PCDH9: variants seen among roughly 807,000 people sequenced by gnomAD.
The protein encoded by PCDH9 is protocadherin-9.
Under a neutral mutation model 70.6 loss-of-function variants are expected in PCDH9, and 24 were observed. The ratio of observed to expected loss-of-function variants is 0.34; its 90% CI spans 0.25 to 0.48. PCDH9 has a LOEUF of 0.48. Ranked by LOEUF, PCDH9 falls within the 20% of genes least tolerant of loss-of-function variation. The pLI is 0.99. For synonymous variants in PCDH9, 562 were observed against 558.5 expected (o/e 1.01, Z -0.09); for missense variants, 1,281 against 1,503.6 (o/e 0.85, Z 2.45).
chr13:66,549,160 T>A (rs1242938012), intron 4 of PCDH9, among the ~76,000 whole-genome samples: 3 of 152,110 alleles, frequency 2.0e-5, no homozygotes, highest in African/African-American at 7.2e-5. Context: ...GTACACAAAA[T>A]ATATACATGT....
Position 66,424,805 on chromosome 13 carries a change from G to A in PCDH9, c.3341-119777C>T, listed in dbSNP as rs117515393. On this transcript the variant is annotated intron_variant, in intron 4 of 4. Coordinates refer to ENST00000377865, the MANE Select transcript of PCDH9 (RefSeq NM_203487.3). ...TTGTGTAAACATCTCTGAGATTGCA[G>A]GTAAGAGGAACAGGGATAAATCTAC... is the stretch of plus-strand genomic sequence containing the variant. Among the ~76,000 whole-genome samples the A allele has an allele frequency of 6.0e-3, 912 of 151,954 alleles. 4 individuals carry two copies. Among genetic ancestry groups the A allele is most frequent in the Non-Finnish European group, 8.8e-3 (596 of 67,818 alleles).
chr13:66,316,539 A>G (rs1566236248), intron 4 of PCDH9, among the ~76,000 whole-genome samples: 3 of 152,100 alleles, frequency 2.0e-5, no homozygotes, highest in Admixed American at 6.5e-5. Context: ...TGCCTTGAAC[A>G]TGCTTAATGT....
intron 2 of PCDH9, among the ~76,000 whole-genome samples, chr13:66,984,787 C>T (rs970252140): frequency 1.3e-5 from 2 of 152,070 alleles, no homozygotes; most frequent in African/African-American, 4.8e-5. Flanking sequence ...AAATAATTTA[C>T]AAAAACATTT....
intron 2 of PCDH9, among the ~76,000 whole-genome samples, chr13:67,112,285 A>G (rs946799802): frequency 6.6e-6 from 1 of 152,194 alleles, no homozygotes; most frequent in Admixed American, 6.5e-5. Context: ...CATTATATGT[A>G]TTTACCTTCA....
intron 4 of PCDH9, among the ~76,000 whole-genome samples, chr13:66,617,693 C>T (rs979404880): frequency 1.3e-5 from 2 of 152,286 alleles, no homozygotes; most frequent in Non-Finnish European, 1.5e-5. Flanking sequence ...TTGATCTGTC[C>T]TTACCCCTCC....
chr13:66,876,592 G>T (rs2139524250), intron 3 of PCDH9, among the ~76,000 whole-genome samples: 1 of 152,210 alleles, frequency 6.6e-6, no homozygotes, highest in African/African-American at 2.4e-5. Flanking sequence ...TTGTAGACAT[G>T]ATCTTCATGG....
chr13:66,403,922 T>C (rs561355678), intron 4 of PCDH9, among the ~76,000 whole-genome samples: 1 of 152,274 alleles, frequency 6.6e-6, no homozygotes, highest in East Asian at 1.9e-4. Context: ...AGTCCACAGT[T>C]GCTGGGAGGT....
chr13:67,126,146 G>A (rs1341950326), intron 2 of PCDH9, among the ~76,000 whole-genome samples: 2 of 152,132 alleles, frequency 1.3e-5, no homozygotes, highest in Non-Finnish European at 2.9e-5. Context: ...TGGTTCCAGA[G>A]CCTGGGCTTT....
chr13:67,016,206 T>C (rs933696778), intron 2 of PCDH9, among the ~76,000 whole-genome samples: 8 of 152,172 alleles, frequency 5.3e-5, no homozygotes, highest in Admixed American at 3.9e-4. Flanking sequence ...ACTAAAAGTA[T>C]GAATATTTCT....
intron 2 of PCDH9, among the ~76,000 whole-genome samples, chr13:66,906,992 G>A (rs776279629): frequency 2.6e-4 from 39 of 151,966 alleles, no homozygotes; most frequent in Admixed American, 2.3e-3. Context: ...GATCACCTGT[G>A]GTCAGGAGTT....
At chr13:67,175,828 T>C in intron 2 of PCDH9, among the ~76,000 whole-genome samples, 1 of 152,140 alleles carries the variant, frequency 6.6e-6, no homozygotes, top group East Asian at 1.9e-4. Context: ...TACTTACCTC[T>C]ATAAAATGCA....
chr13:66,989,447 T>G (rs2083958168), intron 2 of PCDH9, among the ~76,000 whole-genome samples: 1 of 151,932 alleles, frequency 6.6e-6, no homozygotes, highest in Non-Finnish European at 1.5e-5. Context: ...CTTCCTATGC[T>G]CATACAAATA....
chr13:66,495,253 C>G (rs745567005), intron 4 of PCDH9, among the ~76,000 whole-genome samples: 1 of 152,080 alleles, frequency 6.6e-6, no homozygotes, highest in Non-Finnish European at 1.5e-5. Context: ...TGTTAGCATT[C>G]TGATTTCTAA....
intron 4 of PCDH9, among the ~76,000 whole-genome samples, chr13:66,613,793 C>T (rs1219154990): frequency 6.6e-6 from 1 of 152,120 alleles, no homozygotes; most frequent in Non-Finnish European, 1.5e-5. Flanking sequence ...AAGACAAGCA[C>T]TGGGATCAAA....
At chr13:66,796,916 G>T (rs1392731033) in intron 3 of PCDH9, among the ~76,000 whole-genome samples, 1 of 152,062 alleles carries the variant, frequency 6.6e-6, no homozygotes, top group East Asian at 1.9e-4. Context: ...TTCTGTGGCA[G>T]ATGAAGACTT....
intron 3 of PCDH9, among the ~76,000 whole-genome samples, chr13:66,894,381 A>T (rs1413467627): frequency 1.3e-5 from 2 of 152,186 alleles, no homozygotes; most frequent in Non-Finnish European, 2.9e-5. Context: ...ACATTTTTAA[A>T]CTCAAAATTA....
intron 2 of PCDH9, among the ~76,000 whole-genome samples, chr13:66,946,007 G>A (rs920998406): frequency 2.0e-5 from 3 of 152,038 alleles, no homozygotes; most frequent in African/African-American, 4.8e-5. Context: ...GGTATTTTCA[G>A]GTATTGTAAC....
At chr13:66,599,195 A>G (rs1445685434) in intron 4 of PCDH9, among the ~76,000 whole-genome samples, 1 of 151,706 alleles carries the variant, frequency 6.6e-6, no homozygotes, top group East Asian at 1.9e-4. Context: ...ATATAAATTG[A>G]GCTGTATATT....
chr13:67,030,736 C>G (rs2084889348), intron 2 of PCDH9, among the ~76,000 whole-genome samples: 1 of 152,054 alleles, frequency 6.6e-6, no homozygotes, highest in Non-Finnish European at 1.5e-5. Context: ...GGGGCTCATT[C>G]CATGTATTTA....
Sources: allele counts gnomAD v4.1 joint callset (sites outside exome capture counted in the v4.1 genomes callset), GRCh38; gene constraint gnomAD v4.1.1; transcripts MANE v1.5; gene names NCBI Gene and HGNC (gene_info 2026-07-23, HGNC 2026-07-21).